SLC9A4: variants seen among roughly 807,000 people sequenced by gnomAD.
SLC9A4 encodes solute carrier family 9 member A4, also known as sodium/hydrogen exchanger 4.
In SLC9A4, 63 loss-of-function variants were observed where a neutral mutation model predicts 67.4. The observed-to-expected ratio is 0.93, with a 90% CI of 0.76 to 1.15. The LOEUF (loss-of-function observed/expected upper bound fraction) is 1.15, where lower values mean the gene tolerates loss of function less well. Among genes scored for constraint, SLC9A4 ranks in the 50% most tolerant of loss-of-function variants. SLC9A4 has a pLI of 0.00. For missense variants in SLC9A4, 1,089 were observed against 987.7 expected, an observed-to-expected ratio of 1.10 and a Z score of -1.38; for synonymous variants, 393 against 367.2, an observed-to-expected ratio of 1.07 and a Z score of -0.80.
Position 102,533,561 on chromosome 2 carries a change from T to C in SLC9A4, c.*873T>C, listed in dbSNP as rs1398583028. ...ACATTGTGCAGGTTAGTTACATATG[T>C]ATACATGTGCCATGCTGGTGTGCTG... On this transcript the variant is annotated 3_prime_UTR_variant, in exon 12 of 12. Coordinates refer to ENST00000295269, the MANE Select transcript of SLC9A4 (RefSeq NM_001011552.4). 6.6e-6 allele frequency: 1 copy of C among 151,776 alleles called. No individual in the cohort carries two copies. The highest frequency in any genetic ancestry group is 1.5e-5 in the Non-Finnish European group (1 of 67,952). 9.4% of individuals were successfully genotyped at this position (151,776 alleles called of 1,614,324 possible). A position where few individuals can be genotyped will look rare whatever the true frequency, so the allele number is the denominator to read the frequency against.
At chr2:102,501,319 C>T (rs1684935470) in intron 2 of SLC9A4, among the ~76,000 whole-genome samples, 1 of 152,162 alleles carries the variant, frequency 6.6e-6, no homozygotes, top group South Asian at 2.1e-4. Flanking sequence ...TACGGTTTCA[C>T]CACGTTGCCC....
intron 2 of SLC9A4, among the ~76,000 whole-genome samples, chr2:102,489,739 C>T (rs1684659356): frequency 6.6e-6 from 1 of 152,176 alleles, no homozygotes; most frequent in Non-Finnish European, 1.5e-5. Flanking sequence ...GTTTAACTTC[C>T]CTATCCTGGG....
chr2:102,496,350 A>T (rs1684810418), intron 2 of SLC9A4, among the ~76,000 whole-genome samples: 2 of 152,230 alleles, frequency 1.3e-5, no homozygotes, highest in African/African-American at 4.8e-5. Flanking sequence ...ACTAGAATTT[A>T]AAAAACTGAC....
Position 102,526,303 on chromosome 2 carries a change from T to A in SLC9A4, c.1995T>A (p.Asn665Lys), listed in dbSNP as rs958612827. 2 of 1,613,798 alleles carry A rather than the reference T, an allele frequency of 1.2e-6. No individual in the cohort carries two copies. The highest frequency in any genetic ancestry group is 2.7e-5 in the African/African-American group (2 of 74,918). Reference protein sequence around the residue: ...NIRYLSYPYGNPQSAGRDTRA... With the variant: ...NIRYLSYPYGKPQSAGRDTRA... ...GCTACCTCTCCTACCCCTACGGGAA[T>A]CCTCAGTCTGCAGGAAGAGACACAA... The change falls in exon 11 of 12, where the codon AAT (asparagine) becomes AAA (lysine). Residue 665 changes from asparagine (N) to lysine (K), a missense_variant. Transcript: ENST00000295269.
chr2:102,477,921 ATCT>A (rs1042401036), intron 1 of SLC9A4, among the ~76,000 whole-genome samples: 7 of 152,214 alleles, frequency 4.6e-5, no homozygotes, highest in African/African-American at 1.7e-4. Context: ...CTTACATGTC[ATCT>A]TCTTCTTTGT....
chr2:102,500,381 T>C (rs1573339694), intron 2 of SLC9A4, among the ~76,000 whole-genome samples: 1 of 152,168 alleles, frequency 6.6e-6, no homozygotes, highest in South Asian at 2.1e-4. Flanking sequence ...AGTGAGAGGA[T>C]ACATTTTTGT....
At chr2:102,524,003 C>T (rs1388536163) in intron 9 of SLC9A4, among the ~76,000 whole-genome samples, 1 of 152,242 alleles carries the variant, frequency 6.6e-6, no homozygotes, top group Non-Finnish European at 1.5e-5. Flanking sequence ...AATCTTATCA[C>T]TTAGCTGCAC....
chr2:102,505,696 C>A (rs1685037629), intron 4 of SLC9A4: 1 of 454,194 alleles, frequency 2.2e-6, no homozygotes, highest in East Asian at 3.3e-5. Flanking sequence ...AAGGCTGGGG[C>A]AAGGAGTACT....
At chr2:102,489,949 G>T (rs1248814566) in intron 2 of SLC9A4, among the ~76,000 whole-genome samples, 1 of 152,160 alleles carries the variant, frequency 6.6e-6, no homozygotes, top group Non-Finnish European at 1.5e-5. Context: ...CTTAATACAA[G>T]CTAGAAAATG....
chr2:102,509,007 T>G, intron 6 of SLC9A4, 74 bp downstream of exon 6: 1 of 1,220,442 alleles, frequency 8.2e-7, no homozygotes. Context: ...CATGTGCACG[T>G]GTCACTAGAC....
At chr2:102,478,659 G>C (rs1468647963) in intron 1 of SLC9A4, among the ~76,000 whole-genome samples, 180 bp from the exon 2 acceptor site, 1 of 152,182 alleles carries the variant, frequency 6.6e-6, no homozygotes, top group Non-Finnish European at 1.5e-5. Flanking sequence ...AGCTGGGCAT[G>C]TTACCTACTG....
intron 6 of SLC9A4, 112 bp downstream of exon 6, chr2:102,509,045 G>A (rs1298693145): frequency 1.1e-6 from 1 of 921,750 alleles, no homozygotes; most frequent in African/African-American, 1.7e-5. Flanking sequence ...ACTCTGCCAA[G>A]AGTGACTGTA....
intron 2 of SLC9A4, among the ~76,000 whole-genome samples, chr2:102,486,829 G>A (rs1684598848): frequency 6.6e-6 from 1 of 152,202 alleles, no homozygotes. Context: ...CTTCCTGTGT[G>A]CCAGAGATAG....
chr2:102,496,935 T>C (rs1229908201), intron 2 of SLC9A4, among the ~76,000 whole-genome samples: 1 of 152,206 alleles, frequency 6.6e-6, no homozygotes, highest in African/African-American at 2.4e-5. Context: ...TTGTTTTTAA[T>C]CTATTTTTGA....
intron 2 of SLC9A4, 21 bp from the exon 3 acceptor site, chr2:102,503,427 T>A (rs959400296): frequency 1.9e-6 from 3 of 1,551,904 alleles, no homozygotes; most frequent in Non-Finnish European, 1.7e-6. Flanking sequence ...TTCATATTTG[T>A]TTACTCTCTT....
At chr2:102,500,068 G>A (rs1395033521) in intron 2 of SLC9A4, among the ~76,000 whole-genome samples, 1 of 152,172 alleles carries the variant, frequency 6.6e-6, no homozygotes, top group Admixed American at 6.5e-5. Context: ...GATCGTAACT[G>A]GAAACAGTGT....
intron 1 of SLC9A4, 135 bp from the exon 2 acceptor site, chr2:102,478,704 C>T: frequency 1.2e-6 from 1 of 817,896 alleles, no homozygotes; most frequent in Non-Finnish European, 1.9e-6. Context: ...CTACCAGTTC[C>T]TGCTACAGAT....
chr2:102,504,154 T>G (rs1014665675), intron 3 of SLC9A4, among the ~76,000 whole-genome samples: 1 of 152,050 alleles, frequency 6.6e-6, no homozygotes, highest in Non-Finnish European at 1.5e-5. Context: ...CCGGGTTCAC[T>G]CCATTCTCCT....
At chr2:102,487,569 CATTT>C in intron 2 of SLC9A4, among the ~76,000 whole-genome samples, 1 of 152,258 alleles carries the variant, frequency 6.6e-6, no homozygotes, top group South Asian at 2.1e-4. Flanking sequence ...CAATGCCTCC[CATTT>C]GATTCATCAA....
Sources: gnomAD v4.1 joint callset for allele counts (sites outside exome capture counted in the v4.1 genomes callset) on GRCh38, gnomAD v4.1.1 for gene constraint, MANE v1.5 for transcripts, NCBI Gene and HGNC (gene_info 2026-07-23, HGNC 2026-07-21) for gene names.